B4GALT5: variants seen among roughly 807,000 people sequenced by gnomAD.
B4GALT5 encodes UDP-Gal:beta-GlcNAc beta-1,4-galactosyltransferase 5.
B4GALT5 carries 11 observed loss-of-function variants against 45.0 expected under a neutral mutation model. The ratio of observed to expected loss-of-function variants is 0.24; its 90% CI spans 0.15 to 0.40. The LOEUF is 0.40. B4GALT5 is among the 10% of genes least tolerant of loss of function. B4GALT5 has a pLI of 1.00. For synonymous variants in B4GALT5, 185 were observed against 182.9 expected (o/e 1.01, Z -0.09); for missense variants, 337 against 500.2 (o/e 0.67, Z 3.11).
At chr20:49,710,444 G>T in intron 1 of B4GALT5, among the ~76,000 whole-genome samples, 1 of 140,380 alleles carries the variant, frequency 7.1e-6, no homozygotes, top group South Asian at 2.2e-4. Flanking sequence ...GTATGAGACA[G>T]AGTCTCACTC....
intron 1 of B4GALT5, among the ~76,000 whole-genome samples, chr20:49,657,269 C>T (rs2085647421): frequency 6.6e-6 from 1 of 152,208 alleles, no homozygotes; most frequent in Admixed American, 6.5e-5. Context: ...AGACTATTTG[C>T]AGTCCTCACT....
rs1269594430 is a variant in B4GALT5, at chr20:49,633,784, CCAGGACTCAGAAT to C, written c.*2515_*2527del. 1 of 152,544 alleles carries C rather than the reference CCAGGACTCAGAAT, an allele frequency of 6.6e-6. No individual in the cohort carries two copies. Among genetic ancestry groups the C allele is most frequent in the Non-Finnish European group, 1.5e-5 (1 of 68,052 alleles). The allele number at this position is 152,544 out of a possible 1,614,324, so 9.4% of individuals were successfully genotyped here. ...ACACTGCCGCATACACATACGGCAC[CCAGGACTCAGAAT>C]CAGTCTGTCCTGGCAAATCCTTCCA... On this transcript the variant is annotated 3_prime_UTR_variant, in exon 9 of 9. Transcript: ENST00000371711.
chr20:49,648,123 A>G (rs2085606690), intron 2 of B4GALT5, among the ~76,000 whole-genome samples: 1 of 151,842 alleles, frequency 6.6e-6, no homozygotes. Flanking sequence ...GTTTGCAGTC[A>G]TTTTTCTCTT....
intron 1 of B4GALT5, 99 bp downstream of exon 1, chr20:49,713,477 G>T: frequency 8.0e-7 from 1 of 1,257,642 alleles, no homozygotes; most frequent in Non-Finnish European, 1.1e-6. Context: ...CCAGGCTCAG[G>T]GCCGCCTCCC....
chr20:49,650,866 T>A (rs1387622492), intron 2 of B4GALT5, among the ~76,000 whole-genome samples: 1 of 152,162 alleles, frequency 6.6e-6, no homozygotes, highest in Non-Finnish European at 1.5e-5. Context: ...ACCTACTGAA[T>A]GAGGAAAATG....
At chr20:49,683,897 T>C (rs992738905) in intron 1 of B4GALT5, among the ~76,000 whole-genome samples, 2 of 151,774 alleles carry the variant, frequency 1.3e-5, no homozygotes, top group African/African-American at 4.8e-5. Context: ...TCCCAGCACT[T>C]TGGGAGGCCG....
chr20:49,706,690 T>C (rs1055458786), intron 1 of B4GALT5, among the ~76,000 whole-genome samples: 4 of 152,184 alleles, frequency 2.6e-5, no homozygotes, highest in Admixed American at 2.6e-4. Context: ...ACAGTGCACA[T>C]AGGCCTGCCT....
At chr20:49,655,304 A>G (rs2085638010) in intron 2 of B4GALT5, among the ~76,000 whole-genome samples, 1 of 151,158 alleles carries the variant, frequency 6.6e-6, no homozygotes, top group African/African-American at 2.4e-5. Flanking sequence ...GGTGGCGCAC[A>G]CCTGTAACCC....
At chr20:49,710,031 GT>G (rs1243936330) in intron 1 of B4GALT5, among the ~76,000 whole-genome samples, 1 of 152,206 alleles carries the variant, frequency 6.6e-6, no homozygotes, top group African/African-American at 2.4e-5. Context: ...AAAATACTAA[GT>G]TAATGGTTAG....
intron 1 of B4GALT5, among the ~76,000 whole-genome samples, chr20:49,671,761 C>T (rs1568725373): frequency 6.6e-6 from 1 of 152,156 alleles, no homozygotes. Context: ...TCAAAGTTTC[C>T]AAAGTTACTG....
At chr20:49,664,393 A>G (rs2085679659) in intron 1 of B4GALT5, among the ~76,000 whole-genome samples, 1 of 148,838 alleles carries the variant, frequency 6.7e-6, no homozygotes, top group African/African-American at 2.5e-5. Context: ...GCTAACATTT[A>G]TATTTTTTTA....
At chr20:49,652,904 CAGG>C in intron 2 of B4GALT5, among the ~76,000 whole-genome samples, 1 of 152,174 alleles carries the variant, frequency 6.6e-6, no homozygotes, top group East Asian at 1.9e-4. Flanking sequence ...AACAGTGCTC[CAGG>C]CAGAAGTGGT....
In B4GALT5 at chr20:49,635,985, G is replaced by T; in HGVS notation, c.*327C>A. 1 of 286,392 alleles carries T rather than the reference G, an allele frequency of 3.5e-6. No homozygotes were observed. Among genetic ancestry groups the T allele is most frequent in the Non-Finnish European group, 6.8e-6 (1 of 146,964 alleles). 17.7% of individuals were successfully genotyped at this position (286,392 alleles called of 1,614,324 possible). A position where few individuals can be genotyped will look rare whatever the true frequency, so the allele number is the denominator to read the frequency against. On this transcript the variant is annotated 3_prime_UTR_variant, in exon 9 of 9. Coordinates refer to ENST00000371711, the MANE Select transcript of B4GALT5 (RefSeq NM_004776.4). ...CACGGCAGGACCACGGCAGATCACAGTTCATCATGGGTTCTGGAGACTGCG... is the reference window on the plus strand; with the variant it reads ...CACGGCAGGACCACGGCAGATCACATTTCATCATGGGTTCTGGAGACTGCG...
intron 8 of B4GALT5, 146 bp from the exon 9 acceptor site, chr20:49,636,605 GC>G (rs1455553585): frequency 1.2e-6 from 1 of 828,268 alleles, no homozygotes; most frequent in Non-Finnish European, 1.8e-6. Flanking sequence ...GGCCAATTCT[GC>G]TATGCCAGGC....
intron 1 of B4GALT5, among the ~76,000 whole-genome samples, chr20:49,684,813 G>T (rs1358789684): frequency 3.9e-5 from 6 of 152,208 alleles, no homozygotes; most frequent in Non-Finnish European, 7.3e-5. Context: ...TTGAGTCCCT[G>T]CTCGGCTTAG....
chr20:49,647,543 C>T lies in B4GALT5; in HGVS notation c.251-465G>A, dbSNP rs73265289. ...CCTTCCTTCTGCCACCCCTGCCACA[C>T]GATCCCCTTCCATTCCCCAGTCTCC... On this transcript the variant is annotated intron_variant, in intron 2 of 8. Coordinates refer to ENST00000371711, the MANE Select transcript of B4GALT5 (RefSeq NM_004776.4). Among the ~76,000 whole-genome samples the T allele has an allele frequency of 9.3e-3, 1,411 of 152,302 alleles. 23 individuals carry two copies. The highest frequency in any genetic ancestry group is 0.032 in the African/African-American group (1,346 of 41,552).
intron 1 of B4GALT5, among the ~76,000 whole-genome samples, chr20:49,672,137 C>T (rs140312249): frequency 2.8e-4 from 43 of 152,264 alleles, no homozygotes; most frequent in African/African-American, 1.0e-3. Flanking sequence ...GGTCTCCCTC[C>T]TGATTCTCTT....
chr20:49,666,471 A>G (rs1367570537), intron 1 of B4GALT5, among the ~76,000 whole-genome samples: 2 of 152,242 alleles, frequency 1.3e-5, no homozygotes, highest in Non-Finnish European at 2.9e-5. Flanking sequence ...ACAGAGTCAA[A>G]TAAATTCCAG....
intron 1 of B4GALT5, among the ~76,000 whole-genome samples, chr20:49,688,265 G>C (rs972634480): frequency 2.0e-5 from 3 of 152,196 alleles, no homozygotes; most frequent in Non-Finnish European, 4.4e-5. Flanking sequence ...CAAGCAGAAA[G>C]CCTCTGAATA....
Sources: gnomAD v4.1 joint callset for allele counts (sites outside exome capture counted in the v4.1 genomes callset) on GRCh38, gnomAD v4.1.1 for gene constraint, MANE v1.5 for transcripts, NCBI Gene and HGNC (gene_info 2026-07-23, HGNC 2026-07-21) for gene names.